Variants in FILIP1L observed in about 807,000 individuals in gnomAD.
The protein encoded by FILIP1L is filamin A interacting protein 1 like, also known as filamin A-interacting protein 1-like.
A neutral mutation model predicts 96.6 loss-of-function variants in FILIP1L; 55 were observed. That is an observed-to-expected ratio of 0.57 (90% CI 0.46 to 0.71). The LOEUF (loss-of-function observed/expected upper bound fraction) is 0.71, where lower values mean the gene tolerates loss of function less well. Among genes scored for constraint, FILIP1L ranks in the 30% least tolerant of loss-of-function variants. FILIP1L has a pLI of 0.00. For synonymous variants in FILIP1L, 467 were observed against 473.9 expected, an observed-to-expected ratio of 0.99 and a Z score of 0.19; for missense variants, 1,304 against 1,321.2, an observed-to-expected ratio of 0.99 and a Z score of 0.20.
At chr3:99,979,547 G>C (rs531731419) in intron 1 of FILIP1L, among the ~76,000 whole-genome samples, 1 of 152,184 alleles carries the variant, frequency 6.6e-6, no homozygotes, top group East Asian at 1.9e-4. Flanking sequence ...TTAAAGACTT[G>C]TTCTAATGAG....
rs367834732 is a variant in FILIP1L, at chr3:99,829,586, A to C, written c.*828T>G. ...TGAATGCAAAGCTCGTTGTCACATG[A>C]ATGAAAATCTAGGATTGGAATTTGA... On this transcript the variant is annotated 3_prime_UTR_variant, in exon 6 of 6. Coordinates refer to ENST00000477258, the MANE Select transcript of FILIP1L (RefSeq NM_001387850.1). Among the ~76,000 whole-genome samples the C allele has an allele frequency of 9.9e-5, 15 of 152,234 alleles. No homozygotes were observed. The highest frequency in any genetic ancestry group is 3.8e-4 in the East Asian group (2 of 5,200).
chr3:100,109,341 A>G (rs990170604), intron 1 of FILIP1L, among the ~76,000 whole-genome samples: 5 of 152,196 alleles, frequency 3.3e-5, no homozygotes, highest in African/African-American at 9.7e-5. Context: ...TATGCTTTAC[A>G]TATAGTAAAA....
intron 1 of FILIP1L, among the ~76,000 whole-genome samples, chr3:100,109,212 A>C (rs2066445243): frequency 6.6e-6 from 1 of 151,818 alleles, no homozygotes; most frequent in Non-Finnish European, 1.5e-5. Flanking sequence ...TGTGTGTTTT[A>C]ATATCCTAAA....
At chr3:100,015,928 G>A (rs1710325777) in intron 1 of FILIP1L, among the ~76,000 whole-genome samples, 1 of 152,128 alleles carries the variant, frequency 6.6e-6, no homozygotes, top group African/African-American at 2.4e-5. Flanking sequence ...TTAAAAACCT[G>A]ATCCATGCTA....
chr3:99,972,766 A>C (rs960712766), intron 1 of FILIP1L, among the ~76,000 whole-genome samples: 1 of 152,218 alleles, frequency 6.6e-6, no homozygotes, highest in Non-Finnish European at 1.5e-5. Context: ...CATTTAGATT[A>C]ACTGGGTGTT....
intron 5 of FILIP1L, among the ~76,000 whole-genome samples, chr3:99,832,837 C>A (rs1453428897): frequency 1.7e-5 from 2 of 119,908 alleles, no homozygotes; most frequent in Admixed American, 9.0e-5. Flanking sequence ...AAGACTCTGT[C>A]TCAAAAAAAA....
chr3:99,954,362 AT>A (rs1708260278), intron 1 of FILIP1L, among the ~76,000 whole-genome samples: 1 of 152,170 alleles, frequency 6.6e-6, no homozygotes, highest in Non-Finnish European at 1.5e-5. Context: ...TCACATAATA[AT>A]CCAGCCACAC....
At chr3:99,897,022 T>G (rs944057746) in intron 4 of FILIP1L, among the ~76,000 whole-genome samples, 2 of 152,086 alleles carry the variant, frequency 1.3e-5, no homozygotes, top group Non-Finnish European at 2.9e-5. Flanking sequence ...CAGAACAAAT[T>G]TTTTTTTCTT....
intron 1 of FILIP1L, among the ~76,000 whole-genome samples, chr3:100,105,588 A>C (rs760587562): frequency 3.9e-5 from 6 of 152,224 alleles, no homozygotes; most frequent in Non-Finnish European, 5.9e-5. Context: ...CCCTTTAAGC[A>C]GAATTGATAA....
At chr3:100,079,813 A>G (rs973166840) in intron 1 of FILIP1L, among the ~76,000 whole-genome samples, 1 of 152,130 alleles carries the variant, frequency 6.6e-6, no homozygotes, top group Admixed American at 6.5e-5. Context: ...TCTCATGATA[A>G]CCTAAAAAAA....
At chr3:99,925,760 G>T in intron 3 of FILIP1L, 1 of 642,866 alleles carries the variant, frequency 1.6e-6, no homozygotes, top group Non-Finnish European at 1.9e-6. Context: ...CTTGGTGGAA[G>T]TGGAGGTGAC....
At chr3:100,092,198 G>T (rs953932002) in intron 1 of FILIP1L, among the ~76,000 whole-genome samples, 1 of 152,270 alleles carries the variant, frequency 6.6e-6, no homozygotes, top group Middle Eastern at 3.4e-3. Flanking sequence ...TTGTTAAATA[G>T]GAGGTAGAAA....
chr3:99,901,860 T>C (rs1406352464), intron 4 of FILIP1L, among the ~76,000 whole-genome samples: 2 of 152,176 alleles, frequency 1.3e-5, no homozygotes, highest in South Asian at 2.1e-4. Context: ...TACATTTGAT[T>C]TTTTTGTGAG....
At chr3:99,981,993 A>G (rs937613708) in intron 1 of FILIP1L, among the ~76,000 whole-genome samples, 2 of 151,888 alleles carry the variant, frequency 1.3e-5, no homozygotes, top group African/African-American at 2.4e-5. Flanking sequence ...AAAGCCAAGC[A>G]TAATCACTTT....
intron 4 of FILIP1L, among the ~76,000 whole-genome samples, chr3:99,893,162 C>CTTTTTTTT (rs1200176411): frequency 9.3e-6 from 1 of 107,648 alleles, no homozygotes; most frequent in African/African-American, 3.4e-5. Context: ...GGCATCTAGA[C>CTTTTTTTT]TTTTTTTTTT....
At chr3:99,938,416 A>G (rs1350057336) in intron 1 of FILIP1L, among the ~76,000 whole-genome samples, 1 of 152,254 alleles carries the variant, frequency 6.6e-6, no homozygotes, top group African/African-American at 2.4e-5. Flanking sequence ...AGAAGACTGC[A>G]TAACACGGAG....
rs564505896 is a variant in FILIP1L at position 100,067,864 on chromosome 3, A to G, written c.-11+46189T>C. 1.2e-4 allele frequency among the ~76,000 whole-genome samples: 19 copies of G among 152,148 alleles called. No individual in the cohort carries two copies. In the South Asian group the frequency reaches 3.9e-3, roughly 32 times the overall value. On this transcript the variant is annotated intron_variant, in intron 1 of 5. Transcript: ENST00000477258. ...GGACTCTGGGTATAGTACAATAGGG[A>G]AGCACAGTAGAGAAGCACAATATTA... is the stretch of plus-strand genomic sequence containing the variant.
intron 1 of FILIP1L, among the ~76,000 whole-genome samples, chr3:99,963,340 A>G (rs560610504): frequency 6.6e-6 from 1 of 152,334 alleles, no homozygotes; most frequent in South Asian, 2.1e-4. Flanking sequence ...ATGAAGATAA[A>G]TAAGAGAAAG....
At chr3:99,838,091 C>G (rs1285178793) in intron 5 of FILIP1L, among the ~76,000 whole-genome samples, 1 of 152,240 alleles carries the variant, frequency 6.6e-6, no homozygotes, top group African/African-American at 2.4e-5. Context: ...CAAGCTCATT[C>G]TTCATGCTTG....
Sources: allele counts gnomAD v4.1 joint callset (sites outside exome capture counted in the v4.1 genomes callset), GRCh38; gene constraint gnomAD v4.1.1; transcripts MANE v1.5; gene names NCBI Gene and HGNC (gene_info 2026-07-23, HGNC 2026-07-21).